BTG4: variants seen among roughly 807,000 people sequenced by gnomAD.
BTG4 encodes protein BTG4.
A neutral mutation model predicts 19.3 loss-of-function variants in BTG4; 10 were observed. That is an observed-to-expected ratio of 0.52 (90% CI 0.32 to 0.88). BTG4 has a LOEUF of 0.88. BTG4 is among the 40% of genes least tolerant of loss of function. The pLI is 0.04. For synonymous variants in BTG4, 91 were observed against 95.7 expected (o/e 0.95, Z 0.29); for missense variants, 238 against 281.9 (o/e 0.84, Z 1.11).
the BTG4 span, chr11:111,451,150 C>A: frequency 3.9e-6 from 1 of 256,742 alleles, no homozygotes; most frequent in African/African-American, 2.2e-5. Context: ...TGTCCAGAGA[C>A]CACAGCCCCA....
the BTG4 span, among the ~76,000 whole-genome samples, chr11:111,384,355 A>G: frequency 1.3e-5 from 2 of 152,160 alleles, no homozygotes; most frequent in Non-Finnish European, 2.9e-5. Flanking sequence ...GGCCTCATGG[A>G]CAACAATAGA....
At chr11:111,390,508 G>A in the BTG4 span, among the ~76,000 whole-genome samples, 1 of 152,116 alleles carries the variant, frequency 6.6e-6, no homozygotes, top group East Asian at 1.9e-4. Context: ...CCCAGCTAAG[G>A]GATAAAGATA....
At chr11:111,440,252 C>T in the BTG4 span, among the ~76,000 whole-genome samples, 1 of 152,196 alleles carries the variant, frequency 6.6e-6, no homozygotes, top group Non-Finnish European at 1.5e-5. Flanking sequence ...TCTGCAGAAG[C>T]TTCAAGCCTT....
At position 111,494,934 on chromosome 11, in the gene BTG4, C is replaced by T. The variant is rs12276594; in HGVS notation, c.*201G>A. On this transcript the variant is annotated 3_prime_UTR_variant, in exon 5 of 5. Coordinates refer to ENST00000692032, the MANE Select transcript of BTG4 (RefSeq NM_001367975.1). Reference sequence around the variant, plus strand: ...GTACATTCACTGATGTTACATAAAACTTCATGTAAAATTAAATAAGAATTA... The same window carrying T: ...GTACATTCACTGATGTTACATAAAATTTCATGTAAAATTAAATAAGAATTA... 33,041 of 984,560 alleles carry T rather than the reference C, an allele frequency of 0.034. 559 individuals are homozygous for T. Among genetic ancestry groups the T allele is most frequent in the Middle Eastern group, 0.066 (127 of 1,914 alleles). The allele number at this position is 984,560 out of a possible 1,614,324, so 61.0% of individuals were successfully genotyped here.
intron 5 of BTG4, chr11:111,475,344 C>T (rs893017367): frequency 7.9e-5 from 12 of 152,024 alleles, no homozygotes; most frequent in Non-Finnish European, 1.6e-4. Context: ...CATTAGATCA[C>T]GTATCTTATT....
chr11:111,444,529 A>G, the BTG4 span, among the ~76,000 whole-genome samples: 1 of 152,158 alleles, frequency 6.6e-6, no homozygotes, highest in African/African-American at 2.4e-5. Context: ...AATAAGACCT[A>G]CTATTTGATA....
intron 1 of BTG4, among the ~76,000 whole-genome samples, chr11:111,499,786 C>A (rs568457893): frequency 6.6e-6 from 1 of 152,236 alleles, no homozygotes; most frequent in Non-Finnish European, 1.5e-5. Context: ...TCTAACCTCA[C>A]CAGTTCTCAA....
rs759138273 is a variant in BTG4 at position 111,495,330 on chromosome 11, A to G, written c.511-16T>C. On this transcript the variant is annotated splice_polypyrimidine_tract_variant and intron_variant, in intron 4 of 4. Coordinates refer to ENST00000692032, the MANE Select transcript of BTG4 (RefSeq NM_001367975.1). ...AGTTTTCAACCTGGAAAAAAAAAGT[A>G]TAAAGATCTCTAATAAGCTAGCTGT... 2.1e-5 allele frequency: 33 copies of G among 1,599,330 alleles called. No homozygotes were observed. Among genetic ancestry groups the G allele is most frequent in the South Asian group, 3.3e-5 (3 of 89,820 alleles).
the BTG4 span, among the ~76,000 whole-genome samples, chr11:111,444,561 C>T: frequency 5.7e-4 from 87 of 152,020 alleles, no homozygotes; most frequent in African/African-American, 2.0e-3. Flanking sequence ...TGACTATAGT[C>T]GATAATAACT....
chr11:111,397,899 T>C, the BTG4 span: 1 of 152,228 alleles, frequency 6.6e-6, no homozygotes, highest in African/African-American at 2.4e-5. Flanking sequence ...AAGATAAATG[T>C]ACAGTTAAAG....
In BTG4 at chr11:111,504,979, T is replaced by C. The variant is rs552192731; in HGVS notation, c.-26-6177A>G. Among the ~76,000 whole-genome samples the C allele has an allele frequency of 4.0e-5, 6 of 151,870 alleles. No individual in the cohort carries two copies. The South Asian group carries it at 1.2e-3, about 32-fold the overall frequency. ...TGAAAGAAATTGTAGATGACACAAA[T>C]AAATGGAAAAACATTCCATGCTATG... On this transcript the variant is annotated intron_variant, in intron 1 of 4. Transcript: ENST00000692032.
At position 111,468,662 on chromosome 11, in the gene BTG4, G is replaced by T. The variant is rs750660339; in HGVS notation, c.663-981C>A. On this transcript the variant is annotated intron_variant, in intron 5 of 5. Coordinates refer to the BTG4 transcript ENST00000356018. ...CTTCAAATCAACAGGCAAGAGAGGCGATTTGAAAACTTGATTACAATAAAG... is the reference window on the plus strand; with the variant it reads ...CTTCAAATCAACAGGCAAGAGAGGCTATTTGAAAACTTGATTACAATAAAG... Among the ~76,000 whole-genome samples the T allele has an allele frequency of 6.6e-4, 101 of 152,168 alleles. 1 individual carries two copies. The highest frequency in any genetic ancestry group is 1.4e-3 in the Non-Finnish European group (94 of 68,028).
the BTG4 span, among the ~76,000 whole-genome samples, chr11:111,389,799 T>A: frequency 3.3e-5 from 5 of 152,190 alleles, no homozygotes; most frequent in Non-Finnish European, 7.3e-5. Context: ...AAAAAAACTC[T>A]CTTAATTAAT....
intron 5 of BTG4, among the ~76,000 whole-genome samples, chr11:111,487,138 G>A (rs935208189): frequency 1.3e-5 from 2 of 152,024 alleles, no homozygotes; most frequent in Admixed American, 6.6e-5. Context: ...CCATGTCCCT[G>A]GAAAAAACAT....
chr11:111,456,571 A>T, the BTG4 span: 5 of 456,158 alleles, frequency 1.1e-5, no homozygotes, highest in African/African-American at 1.0e-4. This position sits in a 1 kb window ranked among gnomAD's most constrained non-coding sequence, Gnocchi z 4.2. Flanking sequence ...CACCAAGTTG[A>T]TGGTCCCTGG....
downstream of BTG4, chr11:111,494,808 T>G: frequency 1.2e-6 from 1 of 861,148 alleles, no homozygotes; most frequent in Non-Finnish European, 1.4e-6. Flanking sequence ...CAAACTGAAC[T>G]AAGAAGTATT....
the BTG4 span, among the ~76,000 whole-genome samples, chr11:111,437,273 G>A: frequency 4.6e-5 from 7 of 152,100 alleles, no homozygotes; most frequent in East Asian, 3.9e-4. Context: ...CCTGCAAAAC[G>A]GGAGGAGTGT....
chr11:111,470,132 G>A (rs34376371), intron 5 of BTG4: 11,311 of 152,266 alleles, frequency 0.074, 580 homozygotes, highest in Non-Finnish European at 0.11. Flanking sequence ...ATCTCGCTCC[G>A]CTGCCCAGGC....
At chr11:111,485,191 G>T (rs1471879914) in intron 5 of BTG4, among the ~76,000 whole-genome samples, 1 of 152,026 alleles carries the variant, frequency 6.6e-6, no homozygotes, top group Non-Finnish European at 1.5e-5. Flanking sequence ...TTCAGTATTG[G>T]ACAGATGACC....
Sources: gnomAD v4.1 joint callset for allele counts (sites outside exome capture counted in the v4.1 genomes callset) on GRCh38, gnomAD v4.1.1 for gene constraint, Gnocchi (gnomAD v3.1) non-coding constraint, MANE v1.5 for transcripts, NCBI Gene and HGNC (gene_info 2026-07-23, HGNC 2026-07-21) for gene names.